Variants in PARD3B observed in about 807,000 individuals in gnomAD.
PARD3B encodes the protein par-3 family cell polarity regulator beta, also known as partitioning defective 3 homolog B.
In PARD3B, 103 loss-of-function variants were observed where a neutral mutation model predicts 130.2. The ratio of observed to expected loss-of-function variants is 0.79; its 90% CI spans 0.67 to 0.93. PARD3B has a LOEUF of 0.93. Among genes scored for constraint, PARD3B ranks in the 40% least tolerant of loss-of-function variants. The probability of loss-of-function intolerance (pLI) is 0.00; values close to 1 mark genes in which losing one functional copy is unlikely to be tolerated. For missense variants in PARD3B, 1,609 were observed against 1,499.2 expected, an observed-to-expected ratio of 1.07 and a Z score of -1.21; for synonymous variants, 583 against 553.2, an observed-to-expected ratio of 1.05 and a Z score of -0.76.
chr2:205,403,139 A>G (rs539945898), intron 19 of PARD3B, among the ~76,000 whole-genome samples: 1 of 152,362 alleles, frequency 6.6e-6, no homozygotes, highest in East Asian at 1.9e-4. Flanking sequence ...AAAACCTATT[A>G]TACTTTTCTC....
chr2:205,493,193 T>C (rs1220864882), intron 20 of PARD3B, among the ~76,000 whole-genome samples: 1 of 152,066 alleles, frequency 6.6e-6, no homozygotes, highest in African/African-American at 2.4e-5. Flanking sequence ...GTTTTAGAAG[T>C]TCTGTTCCCA....
chr2:205,452,920 C>T (rs2048153714), intron 20 of PARD3B, among the ~76,000 whole-genome samples: 1 of 152,144 alleles, frequency 6.6e-6, no homozygotes, highest in South Asian at 2.1e-4. Context: ...AAGGGTTACC[C>T]TGATTTATTA....
intron 21 of PARD3B, among the ~76,000 whole-genome samples, chr2:205,501,060 T>A (rs1381524054): frequency 1.3e-5 from 2 of 151,852 alleles, no homozygotes. Flanking sequence ...GAGAATAGAG[T>A]CTGGCGACTG....
intron 22 of PARD3B, among the ~76,000 whole-genome samples, chr2:205,586,153 CTCTT>C (rs1266984896): frequency 6.6e-6 from 1 of 152,136 alleles, no homozygotes; most frequent in Non-Finnish European, 1.5e-5. Flanking sequence ...TTTGTGTCCG[CTCTT>C]TATTTATGAT....
chr2:204,942,880 T>C (rs1021548701), intron 2 of PARD3B, among the ~76,000 whole-genome samples: 1 of 152,082 alleles, frequency 6.6e-6, no homozygotes, highest in Non-Finnish European at 1.5e-5. Flanking sequence ...CAACAGAAAC[T>C]GGGGCTTACT....
In PARD3B at chr2:205,244,937, G is replaced by C. The variant is rs1185371023; in HGVS notation, c.2141-841G>C. ...AACTTCGGATGCTGTTCCTCTTCCAGTTTGGAATGGTTCTTTGCCAACTCT... is the reference window on the plus strand; with the variant it reads ...AACTTCGGATGCTGTTCCTCTTCCACTTTGGAATGGTTCTTTGCCAACTCT... On this transcript the variant is annotated intron_variant, in intron 15 of 22. Coordinates refer to ENST00000406610, the MANE Select transcript of PARD3B (RefSeq NM_001302769.2). The surrounding 1 kb of genome is among the most constrained non-coding windows in gnomAD (Gnocchi z 4.7). Among the ~76,000 whole-genome samples the C allele has an allele frequency of 6.6e-6, 1 of 152,154 alleles. No homozygotes were observed. The highest frequency in any genetic ancestry group is 1.5e-5 in the Non-Finnish European group (1 of 68,038).
At chr2:205,609,104 T>G (rs2105786070) in intron 22 of PARD3B, among the ~76,000 whole-genome samples, 1 of 152,304 alleles carries the variant, frequency 6.6e-6, no homozygotes, top group Admixed American at 6.5e-5. Flanking sequence ...TTCCGTAAAA[T>G]CTGCCGAAAT....
At position 205,619,066 on chromosome 2, in the gene PARD3B, G is replaced by A. The variant is rs2055521665; in HGVS notation, c.*3253G>A. ...CGACTGTCACCCGTGGATCCTGATG[G>A]GGAAGAACAGAGGCTTCACTGTAGC... On this transcript the variant is annotated 3_prime_UTR_variant, in exon 23 of 23. Coordinates refer to ENST00000406610, the MANE Select transcript of PARD3B (RefSeq NM_001302769.2). The A allele has an allele frequency of 6.6e-6, 1 of 152,122 alleles. No homozygotes were observed. The highest frequency in any genetic ancestry group is 2.1e-4 in the South Asian group (1 of 4,822). 9.4% of individuals were successfully genotyped at this position (152,122 alleles called of 1,614,324 possible). A position where few individuals can be genotyped will look rare whatever the true frequency, so the allele number is the denominator to read the frequency against.
At chr2:205,322,491 C>G (rs1368628778) in intron 18 of PARD3B, among the ~76,000 whole-genome samples, 1 of 152,144 alleles carries the variant, frequency 6.6e-6, no homozygotes, top group Non-Finnish European at 1.5e-5. Flanking sequence ...TTCACGCCAG[C>G]TCTTACAAAA....
intron 15 of PARD3B, among the ~76,000 whole-genome samples, chr2:205,238,916 G>GTA (rs747790189): frequency 0.038 from 4,483 of 118,374 alleles, 143 homozygotes; most frequent in East Asian, 0.091. Context: ...ATATGTATGT[G>GTA]TATATATATA....
chr2:204,552,941 A>G (rs1217116915), intron 1 of PARD3B, among the ~76,000 whole-genome samples: 1 of 152,206 alleles, frequency 6.6e-6, no homozygotes, highest in African/African-American at 2.4e-5. Context: ...TTCCATGGCA[A>G]AAGGAACAGT....
intron 4 of PARD3B, among the ~76,000 whole-genome samples, chr2:205,077,492 C>G (rs368219236): frequency 6.6e-6 from 1 of 152,162 alleles, no homozygotes; most frequent in African/African-American, 2.4e-5. Context: ...GGCAGTTTCT[C>G]TTGATGCATG....
chr2:205,347,921 G>T (rs1006630753), intron 18 of PARD3B: 2 of 88,776 alleles, frequency 2.3e-5, no homozygotes, highest in African/African-American at 5.3e-5. Context: ...TTTGTTGAGG[G>T]GCATACCTGG....
intron 18 of PARD3B, among the ~76,000 whole-genome samples, chr2:205,384,981 T>G (rs1208921804): frequency 6.6e-6 from 1 of 152,112 alleles, no homozygotes; most frequent in Admixed American, 6.6e-5. Flanking sequence ...ATTGAACCTT[T>G]TTTTTTAATC....
At chr2:204,880,215 G>A (rs1310713541) in intron 2 of PARD3B, among the ~76,000 whole-genome samples, 2 of 152,078 alleles carry the variant, frequency 1.3e-5, no homozygotes, top group African/African-American at 2.4e-5. Context: ...ATATAGTTTA[G>A]CATGTTGGAA....
chr2:205,207,187 A>G (rs1245769711), intron 15 of PARD3B, among the ~76,000 whole-genome samples: 3 of 140,370 alleles, frequency 2.1e-5, no homozygotes, highest in Non-Finnish European at 3.1e-5. Context: ...AAGACACAAC[A>G]TACCAGAATC....
intron 22 of PARD3B, among the ~76,000 whole-genome samples, chr2:205,588,559 G>C (rs2054278418): frequency 6.6e-6 from 1 of 151,832 alleles, no homozygotes; most frequent in Non-Finnish European, 1.5e-5. Flanking sequence ...TAGAGTTATA[G>C]AAAGCTCAGT....
chr2:204,714,764 C>T (rs1472448286), intron 2 of PARD3B, among the ~76,000 whole-genome samples: 1 of 152,168 alleles, frequency 6.6e-6, no homozygotes, highest in Non-Finnish European at 1.5e-5. Context: ...CTATAATTTA[C>T]AAACACACCC....
chr2:204,551,250 C>A (rs2030435729), intron 1 of PARD3B, among the ~76,000 whole-genome samples: 1 of 152,174 alleles, frequency 6.6e-6, no homozygotes, highest in African/African-American at 2.4e-5. Flanking sequence ...ATGCAAAACT[C>A]CAGATTCCTA....
Sources: gnomAD v4.1 joint callset for allele counts (sites outside exome capture counted in the v4.1 genomes callset) on GRCh38, gnomAD v4.1.1 for gene constraint, Gnocchi (gnomAD v3.1) non-coding constraint, MANE v1.5 for transcripts, NCBI Gene and HGNC (gene_info 2026-07-23, HGNC 2026-07-21) for gene names.